The following CLMP variants were observed in gnomAD, a reference collection of about 807,000 sequenced individuals.
CLMP encodes CXADR like cell adhesion molecule.
A neutral mutation model predicts 45.2 loss-of-function variants in CLMP; 27 were observed. That is an observed-to-expected ratio of 0.60 (90% CI 0.44 to 0.82). The LOEUF is 0.82. Among genes scored for constraint, CLMP ranks in the 40% least tolerant of loss-of-function variants. CLMP has a pLI of 0.00. For synonymous variants in CLMP, 167 were observed against 171.4 expected, an observed-to-expected ratio of 0.97 and a Z score of 0.20; for missense variants, 403 against 448.4, an observed-to-expected ratio of 0.90 and a Z score of 0.91.
In CLMP at chr11:123,073,483, T is replaced by A. The variant is rs757575705; in HGVS notation, c.1113A>T (p.Gln371His). The part of the protein sequence containing the change: ...SMIPSQSRAF[Q>H]TV The stretch of plus-strand genomic sequence containing the variant: ...TCAAGTCCATTGTAATTCAGACCGT[T>A]TGGAAGGCTCTGCTCTGGCTGGGGA... The change falls in exon 7 of 7, where the codon CAA becomes CAT. Residue 371 changes from glutamine (Q) to histidine (H), a missense_variant. By Grantham distance (24) the Gln-to-His change is conservative (BLOSUM62 0). Coordinates refer to ENST00000448775, the MANE Select transcript of CLMP (RefSeq NM_024769.5). 6.2e-7 allele frequency: 1 copy of A among 1,611,480 alleles called. No homozygotes were observed. The highest frequency in any genetic ancestry group is 8.5e-7 in the Non-Finnish European group (1 of 1,178,442).
At chr11:123,157,722 CAAAAAAA>C (rs869197042) in intron 1 of CLMP, among the ~76,000 whole-genome samples, 2 of 71,190 alleles carry the variant, frequency 2.8e-5, no homozygotes, top group African/African-American at 5.5e-5. Flanking sequence ...GAGTGAAACT[CAAAAAAA>C]AAAAAAAAAA....
intron 1 of CLMP, among the ~76,000 whole-genome samples, chr11:123,169,285 C>T (rs1278577567): frequency 1.3e-5 from 2 of 152,164 alleles, no homozygotes; most frequent in African/African-American, 4.8e-5. Flanking sequence ...AGCCAAGAGC[C>T]CTGCTGGGTT....
At chr11:123,150,275 T>G (rs903062036) in intron 1 of CLMP, among the ~76,000 whole-genome samples, 17 of 150,484 alleles carry the variant, frequency 1.1e-4, no homozygotes, top group Non-Finnish European at 1.9e-4. Flanking sequence ...CAGATAGGCT[T>G]GAGAACAATA....
Position 123,138,862 on chromosome 11 carries a change from C to T in CLMP, c.29-40910G>A, listed in dbSNP as rs370150852. ...TAGAGATGGGGTTTCACTGTGTTAG[C>T]CAGGCTGACCTCGAACTCCTGACCT... On this transcript the variant is annotated intron_variant, in intron 1 of 6. Transcript: ENST00000448775. 3.9e-5 allele frequency among the ~76,000 whole-genome samples: 6 copies of T among 152,236 alleles called. 1 individual carries two copies. The East Asian group carries it at 1.2e-3, about 29-fold the overall frequency.
intron 2 of CLMP, among the ~76,000 whole-genome samples, chr11:123,089,776 CAAA>C (rs556690828): frequency 7.6e-5 from 6 of 79,370 alleles, no homozygotes; most frequent in Non-Finnish European, 1.0e-4. Context: ...GTCTCCATCT[CAAA>C]AAAAAAAAAA....
At chr11:123,184,798 A>G (rs1330561479) in intron 1 of CLMP, among the ~76,000 whole-genome samples, 1 of 152,242 alleles carries the variant, frequency 6.6e-6, no homozygotes, top group African/African-American at 2.4e-5. Context: ...TTTTACATGC[A>G]TTCATACATT....
intron 1 of CLMP, among the ~76,000 whole-genome samples, chr11:123,106,406 TGTGTGTGTGTGTGTGTGTGC>T (rs1490893191): frequency 3.6e-4 from 44 of 123,006 alleles, no homozygotes; most frequent in African/African-American, 1.3e-3. Flanking sequence ...TGTGTGTGTG[TGTGTGTGTGTGTGTGTGTGC>T]GCGCGCGCGC....
At chr11:123,095,449 T>C (rs1352251580) in intron 2 of CLMP, among the ~76,000 whole-genome samples, 1 of 152,154 alleles carries the variant, frequency 6.6e-6, no homozygotes, top group African/African-American at 2.4e-5. Flanking sequence ...TTTGTATTTT[T>C]AGTAGAGACA....
chr11:123,141,680 G>C (rs1395617088), intron 1 of CLMP, among the ~76,000 whole-genome samples: 1 of 151,982 alleles, frequency 6.6e-6, no homozygotes, highest in Non-Finnish European at 1.5e-5. Flanking sequence ...TTCAGAATGG[G>C]CTCTTCTGTC....
chr11:123,157,926 G>C (rs1861437069), intron 1 of CLMP, among the ~76,000 whole-genome samples: 1 of 151,958 alleles, frequency 6.6e-6, no homozygotes, highest in African/African-American at 2.4e-5. Flanking sequence ...AACCAACACA[G>C]TACTGCCCCA....
intron 2 of CLMP, among the ~76,000 whole-genome samples, chr11:123,087,365 T>C (rs1251546294): frequency 6.7e-6 from 1 of 149,836 alleles, no homozygotes; most frequent in Non-Finnish European, 1.5e-5. Flanking sequence ...AAGAAAAAAC[T>C]AGGTGTGGTG....
At chr11:123,088,449 C>T (rs1865890096) in intron 2 of CLMP, among the ~76,000 whole-genome samples, 1 of 152,038 alleles carries the variant, frequency 6.6e-6, no homozygotes, top group Non-Finnish European at 1.5e-5. Context: ...CATATTTCCC[C>T]CAGATGCATA....
chr11:123,084,570 G>A lies in CLMP; in HGVS notation c.330C>T (p.Thr110=). 1.9e-6 allele frequency: 3 copies of A among 1,614,174 alleles called. No homozygotes were observed. Among genetic ancestry groups the A allele is most frequent in the Middle Eastern group, 1.6e-4 (1 of 6,062 alleles). The change falls in exon 3 of 7, where the codon ACC becomes ACT. Residue 110 remains threonine, a synonymous_variant. Transcript: ENST00000448775. ...AGCGCCCTGAATTCTTAACCTTACAGGTGTACCGGCCCTCATCACTGGGCT... is the reference window on the plus strand; with the variant it reads ...AGCGCCCTGAATTCTTAACCTTACAAGTGTACCGGCCCTCATCACTGGGCT... ...PLKPSDEGRY[T]CKVKNSGRYV...
chr11:123,118,577 C>T (rs930736833), intron 1 of CLMP, among the ~76,000 whole-genome samples: 7 of 152,156 alleles, frequency 4.6e-5, no homozygotes, highest in Non-Finnish European at 1.0e-4. Context: ...ACCTGGACCT[C>T]GATCTGTATG....
At chr11:123,076,926 T>C (rs1865746930) in intron 5 of CLMP, among the ~76,000 whole-genome samples, 1 of 151,524 alleles carries the variant, frequency 6.6e-6, no homozygotes, top group South Asian at 2.1e-4. Flanking sequence ...GTAATGTATA[T>C]AGAAACAAGT....
chr11:123,190,017 A>C (rs1425823373), intron 1 of CLMP, among the ~76,000 whole-genome samples: 4 of 151,954 alleles, frequency 2.6e-5, no homozygotes, highest in South Asian at 2.1e-4. Flanking sequence ...AAAAAAAAAA[A>C]AAAAAACAAA....
At chr11:123,077,408 C>T (rs1024916601) in intron 5 of CLMP, among the ~76,000 whole-genome samples, 2 of 150,854 alleles carry the variant, frequency 1.3e-5, no homozygotes, top group Non-Finnish European at 3.0e-5. Context: ...CTTGGCTTAC[C>T]GCAACCTCTG....
chr11:123,109,818 C>G (rs1421426403), intron 1 of CLMP, among the ~76,000 whole-genome samples: 1 of 152,158 alleles, frequency 6.6e-6, no homozygotes, highest in Admixed American at 6.6e-5. Context: ...CTCCATTGTA[C>G]TTTATACTAG....
chr11:123,146,945 C>A (rs1030880566), intron 1 of CLMP, among the ~76,000 whole-genome samples: 9 of 152,172 alleles, frequency 5.9e-5, no homozygotes, highest in Non-Finnish European at 1.2e-4. Context: ...TTTGATCCCT[C>A]GCTCTTCCTT....
Sources: allele counts gnomAD v4.1 joint callset (sites outside exome capture counted in the v4.1 genomes callset), GRCh38; gene constraint gnomAD v4.1.1; transcripts MANE v1.5; gene names NCBI Gene and HGNC (gene_info 2026-07-23, HGNC 2026-07-21).